HAS2: variants seen among roughly 807,000 people sequenced by gnomAD.
HAS2 encodes HA synthase 2.
HAS2 carries 16 observed loss-of-function variants against 51.6 expected under a neutral mutation model. That is an observed-to-expected ratio of 0.31 (90% CI 0.21 to 0.47). The LOEUF is 0.47. Ranked by LOEUF, HAS2 falls within the 20% of genes least tolerant of loss-of-function variation. HAS2 has a pLI of 1.00. For synonymous variants in HAS2, 228 were observed against 235.5 expected, an observed-to-expected ratio of 0.97 and a Z score of 0.29; for missense variants, 361 against 662.6, an observed-to-expected ratio of 0.54 and a Z score of 5.00.
chr8:121,639,896 G>C (rs2028506), intron 1 of HAS2: 89,609 of 152,100 alleles, frequency 0.59, 28,035 homozygotes, highest in East Asian at 0.86. Context: ...CCCTCGCCCC[G>C]TTCATCGGCT....
intron 1 of HAS2, among the ~76,000 whole-genome samples, chr8:121,632,179 A>G (rs368696509): frequency 2.6e-5 from 4 of 152,322 alleles, no homozygotes; most frequent in East Asian, 3.9e-4. Context: ...CAAAAGGCAC[A>G]TTTTAGAGCC....
chr8:121,640,641 G>A (rs1334258907), intron 1 of HAS2, among the ~76,000 whole-genome samples: 2 of 152,164 alleles, frequency 1.3e-5, no homozygotes, highest in African/African-American at 2.4e-5. Context: ...TTTCTGGCGA[G>A]AGCCGCAGAA....
At chr8:121,626,497 T>A (rs878957150) in intron 2 of HAS2, among the ~76,000 whole-genome samples, 5 of 152,158 alleles carry the variant, frequency 3.3e-5, no homozygotes, top group Admixed American at 3.3e-4. Flanking sequence ...CCCCATTTTC[T>A]CTTGTGTATT....
At chr8:121,636,347 C>T (rs550647201) in intron 1 of HAS2, among the ~76,000 whole-genome samples, 1 of 152,058 alleles carries the variant, frequency 6.6e-6, no homozygotes, top group African/African-American at 2.4e-5. Flanking sequence ...GCACATTACC[C>T]CCTGGAACAC....
chr8:121,627,318 C>A (rs1057200168), intron 2 of HAS2, among the ~76,000 whole-genome samples: 1 of 152,012 alleles, frequency 6.6e-6, no homozygotes, highest in South Asian at 2.1e-4. Context: ...ACCAAATGTC[C>A]AAAGATAACT....
chr8:121,638,180 A>G (rs1459865476), intron 1 of HAS2, among the ~76,000 whole-genome samples: 1 of 152,248 alleles, frequency 6.6e-6, no homozygotes, highest in Non-Finnish European at 1.5e-5. Context: ...CATGTATGGG[A>G]AAGTATTTAT....
intron 1 of HAS2, among the ~76,000 whole-genome samples, chr8:121,635,273 T>G (rs1453444545): frequency 2.0e-5 from 3 of 152,202 alleles, no homozygotes; most frequent in African/African-American, 7.2e-5. Flanking sequence ...CTTGTCATCT[T>G]CAGTTTCTCC....
In HAS2 at chr8:121,613,981, TG is replaced by T; in HGVS notation, c.*127del. ...CAGAATGAAAATAAACCCATATAAATGTCTTTGTTCAAGTCCCAGCAGCAGT... is the reference window on the plus strand; with the variant it reads ...CAGAATGAAAATAAACCCATATAAATTCTTTGTTCAAGTCCCAGCAGCAGT... On this transcript the variant is annotated 3_prime_UTR_variant, in exon 4 of 4. Coordinates refer to ENST00000303924, the MANE Select transcript of HAS2 (RefSeq NM_005328.3). 2.1e-6 allele frequency: 3 copies of T among 1,398,202 alleles called. No individual in the cohort carries two copies. The highest frequency in any genetic ancestry group is 3.0e-6 in the Non-Finnish European group (3 of 1,009,008). 86.6% of individuals were successfully genotyped at this position (1,398,202 alleles called of 1,614,324 possible). A position where few individuals can be genotyped will look rare whatever the true frequency, so the allele number is the denominator to read the frequency against.
At chr8:121,619,399 A>G (rs1812746742) in intron 2 of HAS2, among the ~76,000 whole-genome samples, 1 of 152,062 alleles carries the variant, frequency 6.6e-6, no homozygotes, top group Non-Finnish European at 1.5e-5. Context: ...TCTAGGTTTA[A>G]TTATAGCAAT....
intron 1 of HAS2, among the ~76,000 whole-genome samples, chr8:121,638,652 A>G (rs1813045248): frequency 6.6e-6 from 1 of 152,250 alleles, no homozygotes; most frequent in African/African-American, 2.4e-5. Context: ...CGCAACAGGT[A>G]ACTTAAAGTG....
chr8:121,626,359 G>A (rs920780614), intron 2 of HAS2, among the ~76,000 whole-genome samples: 1 of 152,172 alleles, frequency 6.6e-6, no homozygotes, highest in East Asian at 1.9e-4. Context: ...TCAAGACCAA[G>A]TGAAAAGAGT....
At chr8:121,622,482 T>C (rs749903152) in intron 2 of HAS2, among the ~76,000 whole-genome samples, 36 of 152,076 alleles carry the variant, frequency 2.4e-4, no homozygotes, top group Non-Finnish European at 4.3e-4. Context: ...ATAAGTTTGT[T>C]GTAATTAACT....
rs1554597329 is a variant in HAS2 at position 121,641,158 on chromosome 8, C to CTTTCTTTTT, written c.-307_-306insAAAAAGAAA. 5 of 57,016 alleles carry CTTTCTTTTT rather than the reference C, an allele frequency of 8.8e-5. No homozygotes were observed. Among genetic ancestry groups the CTTTCTTTTT allele is most frequent in the African/African-American group, 3.4e-4 (5 of 14,904 alleles). The allele number at this position is 57,016 out of a possible 1,614,324, so 3.5% of individuals were successfully genotyped here. A position where few individuals can be genotyped will look rare whatever the true frequency, so the allele number is the denominator to read the frequency against. On this transcript the variant is annotated 5_prime_UTR_variant, in exon 1 of 4. Coordinates refer to ENST00000303924, the MANE Select transcript of HAS2 (RefSeq NM_005328.3). ...TAACTTTTCTTTTTTCTTTTCTTTT[C>CTTTCTTTTT]TTTTTTTTTTTTTTTTTTTTTTGGG...
chr8:121,615,314 T>A (rs1026650160), intron 3 of HAS2, among the ~76,000 whole-genome samples: 4 of 152,164 alleles, frequency 2.6e-5, no homozygotes, highest in African/African-American at 9.7e-5. Flanking sequence ...ATTCTGTTTG[T>A]TGTGTTATCA....
At chr8:121,617,883 T>C (rs1481964071) in intron 2 of HAS2, among the ~76,000 whole-genome samples, 24 of 152,270 alleles carry the variant, frequency 1.6e-4, no homozygotes. Context: ...CTTCAACACC[T>C]TTTTATTCTA....
chr8:121,613,617 A>G lies in HAS2; in HGVS notation c.*492T>C, dbSNP rs971691079. ...AAATTTAAAAACACAGTACAATTAT[A>G]TCAAAATACAGCACAGCCAACGGCC... On this transcript the variant is annotated 3_prime_UTR_variant, in exon 4 of 4. Coordinates refer to ENST00000303924, the MANE Select transcript of HAS2 (RefSeq NM_005328.3). 2 of 156,184 alleles carry G rather than the reference A, an allele frequency of 1.3e-5. No individual in the cohort carries two copies. The highest frequency in any genetic ancestry group is 2.9e-5 in the Non-Finnish European group (2 of 70,138). The allele number at this position is 156,184 out of a possible 1,614,324, so 9.7% of individuals were successfully genotyped here. A position where few individuals can be genotyped will look rare whatever the true frequency, so the allele number is the denominator to read the frequency against.
chr8:121,634,254 AG>A (rs1234128258), intron 1 of HAS2, among the ~76,000 whole-genome samples: 2 of 151,980 alleles, frequency 1.3e-5, no homozygotes, highest in Admixed American at 1.3e-4. Context: ...GAGTTACCCT[AG>A]TTTTCATAAA....
At chr8:121,616,144 C>T (rs192433613) in intron 3 of HAS2, among the ~76,000 whole-genome samples, 2 of 152,276 alleles carry the variant, frequency 1.3e-5, no homozygotes, top group East Asian at 3.9e-4. Flanking sequence ...TATTAATCCT[C>T]ACATATTTTC....
intron 2 of HAS2, among the ~76,000 whole-genome samples, chr8:121,627,514 G>A (rs1042662686): frequency 1.1e-4 from 16 of 152,072 alleles, no homozygotes; most frequent in Admixed American, 9.8e-4. Context: ...AGGACTAAAT[G>A]ATAATAAACA....
Sources: gnomAD v4.1 joint callset for allele counts (sites outside exome capture counted in the v4.1 genomes callset) on GRCh38, gnomAD v4.1.1 for gene constraint, MANE v1.5 for transcripts, NCBI Gene and HGNC (gene_info 2026-07-23, HGNC 2026-07-21) for gene names.